The following CCDC12 variants were observed in gnomAD, a reference collection of about 807,000 sequenced individuals.
CCDC12 encodes coiled-coil domain containing 12, also known as coiled-coil domain-containing protein 12.
Under a neutral mutation model 25.7 loss-of-function variants are expected in CCDC12, and 28 were observed. The observed-to-expected ratio is 1.09, with a 90% CI of 0.81 to 1.50. The LOEUF (loss-of-function observed/expected upper bound fraction) is 1.50. Ranked by LOEUF, CCDC12 falls within the 40% of genes most tolerant of loss-of-function variation. The pLI, the probability that CCDC12 is intolerant of heterozygous loss-of-function variation, is 0.00. For synonymous variants in CCDC12, 75 were observed against 87.7 expected, an observed-to-expected ratio of 0.86 and a Z score of 0.81; for missense variants, 198 against 210.0, an observed-to-expected ratio of 0.94 and a Z score of 0.35.
At chr3:46,941,682 GCC>G (rs1201480029) in intron 1 of CCDC12, among the ~76,000 whole-genome samples, 1 of 152,190 alleles carries the variant, frequency 6.6e-6, no homozygotes, top group Non-Finnish European at 1.5e-5. Context: ...GAGAAATGCA[GCC>G]ACTTGGTGCC....
chr3:46,978,527 G>A (rs977270784), upstream of CCDC12, among the ~76,000 whole-genome samples: 1 of 128,892 alleles, frequency 7.8e-6, no homozygotes, highest in Admixed American at 8.3e-5. Flanking sequence ...CCATCACCCC[G>A]TGCCCCTTTC....
At chr3:46,941,653 C>A (rs1023895700) in intron 1 of CCDC12, among the ~76,000 whole-genome samples, 1 of 152,076 alleles carries the variant, frequency 6.6e-6, no homozygotes, top group East Asian at 1.9e-4. Flanking sequence ...ACAGAAAGAG[C>A]TGGATGGCTT....
intron 1 of CCDC12, among the ~76,000 whole-genome samples, chr3:46,951,798 A>AAAAAAAAAAATATATATATAT: frequency 5.9e-4 from 5 of 8,458 alleles, no homozygotes; most frequent in Non-Finnish European, 1.1e-3. Context: ...AAAAAAAAAA[A>AAAAAAAAAAATATATATATAT]ATATATATAT....
At chr3:46,945,520 G>C (rs1336946498) in intron 1 of CCDC12, among the ~76,000 whole-genome samples, 3 of 152,246 alleles carry the variant, frequency 2.0e-5, no homozygotes, top group Non-Finnish European at 4.4e-5. Context: ...TCAGGACAGA[G>C]TCTGACTGAC....
chr3:46,935,323 A>C (rs139261364), intron 2 of CCDC12, among the ~76,000 whole-genome samples: 1,936 of 152,050 alleles, frequency 0.013, 21 homozygotes, highest in Middle Eastern at 0.024. Flanking sequence ...GCATAGGAGG[A>C]GGCGAGTGCT....
chr3:46,951,824 C>A (rs11716561), intron 1 of CCDC12, among the ~76,000 whole-genome samples: 1 of 41,636 alleles, frequency 2.4e-5, no homozygotes, highest in Non-Finnish European at 4.3e-5. Context: ...TATATATATA[C>A]TTAATGAGGA....
intron 1 of CCDC12, among the ~76,000 whole-genome samples, chr3:46,948,339 G>A (rs1316179318): frequency 6.6e-6 from 1 of 152,230 alleles, no homozygotes; most frequent in Non-Finnish European, 1.5e-5. Flanking sequence ...AGAACAAAGC[G>A]CTGAGCGGGA....
At position 46,962,404 on chromosome 3, in the gene CCDC12, A is replaced by G. The variant is rs1423301128; in HGVS notation, c.96+14233T>C. Among the ~76,000 whole-genome samples the G allele has an allele frequency of 6.4e-5, 8 of 125,604 alleles. No homozygotes were observed. In the East Asian group the frequency reaches 1.8e-3, roughly 29 times the overall value. The allele number at this position is 125,604 out of a possible 152,430, so 82.4% of individuals were successfully genotyped here. A position where few individuals can be genotyped will look rare whatever the true frequency, so the allele number is the denominator to read the frequency against. ...AGCCAAGATTGTGCCATTGCACTCC[A>G]GCCTGGGTAACAAGAGCAAAACTCT... On this transcript the variant is annotated intron_variant, in intron 1 of 6. Transcript: ENST00000683445.
At chr3:46,979,974 C>G (rs2035197605), upstream of CCDC12, 2 of 239,096 alleles carry the variant, frequency 8.4e-6, no homozygotes, top group South Asian at 1.6e-4. Flanking sequence ...TCGCGCGCCC[C>G]GCGCCTGCTG....
At chr3:46,934,591 A>G (rs553137817) in intron 2 of CCDC12, among the ~76,000 whole-genome samples, 1 of 152,316 alleles carries the variant, frequency 6.6e-6, no homozygotes, top group South Asian at 2.1e-4. Flanking sequence ...GCACACAGAA[A>G]GGATTCAGCT....
chr3:46,929,270 A>T (rs1474540323), intron 2 of CCDC12, among the ~76,000 whole-genome samples: 1 of 152,252 alleles, frequency 6.6e-6, no homozygotes, highest in Admixed American at 6.5e-5. Flanking sequence ...AGAGGAAGAA[A>T]GTGGAATAAT....
In CCDC12 at chr3:46,973,664, A is replaced by G. The variant is rs1373900152; in HGVS notation, c.96+2973T>C. On this transcript the variant is annotated intron_variant, in intron 1 of 6. Coordinates refer to ENST00000683445, the MANE Select transcript of CCDC12 (RefSeq NM_001277074.2). The stretch of plus-strand genomic sequence containing the variant: ...AGTCTCACTCTGTCGCCCAGGCTGG[A>G]GTGCAGTGGCGCATCTCAGCTCACT... 2.3e-5 allele frequency among the ~76,000 whole-genome samples: 3 copies of G among 130,330 alleles called. No homozygotes were observed. In the East Asian group the frequency reaches 7.2e-4, roughly 31 times the overall value. The allele number at this position is 130,330 out of a possible 152,430, so 85.5% of individuals were successfully genotyped here.
At chr3:46,925,856 AG>A (rs2032934922) in intron 2 of CCDC12, among the ~76,000 whole-genome samples, 1 of 152,196 alleles carries the variant, frequency 6.6e-6, no homozygotes, top group East Asian at 1.9e-4. Flanking sequence ...TTGACAGATA[AG>A]GGGACTGGAG....
At chr3:46,922,465 G>A (rs954196541) in intron 5 of CCDC12, 153 bp from the exon 6 acceptor site, 2 of 745,730 alleles carry the variant, frequency 2.7e-6, no homozygotes, top group African/African-American at 1.7e-5. Flanking sequence ...TTCCCCTTCT[G>A]TACCCTCCGA....
At chr3:46,979,686 A>G, upstream of CCDC12, 1 of 315,282 alleles carries the variant, frequency 3.2e-6, no homozygotes, top group Non-Finnish European at 5.8e-6. Context: ...AGGAGCGAGC[A>G]GACTTGGGTG....
At chr3:46,934,212 G>A (rs1463043544) in intron 2 of CCDC12, among the ~76,000 whole-genome samples, 2 of 152,222 alleles carry the variant, frequency 1.3e-5, no homozygotes, top group African/African-American at 4.8e-5. Flanking sequence ...CAGATGTTGG[G>A]GGACAGGGGC....
chr3:46,956,691 T>C (rs1027388248), intron 1 of CCDC12, among the ~76,000 whole-genome samples: 3 of 152,024 alleles, frequency 2.0e-5, no homozygotes, highest in Admixed American at 6.6e-5. Context: ...AGTGGTAGTG[T>C]GCACCTGTAG....
At chr3:46,923,286 T>G in intron 5 of CCDC12, 43 bp downstream of exon 5, 1 of 1,442,056 alleles carries the variant, frequency 6.9e-7, no homozygotes, top group Non-Finnish European at 9.1e-7. Flanking sequence ...GCACCAAGAG[T>G]CCCCGAGTCA....
intron 3 of CCDC12, chr3:46,925,246 G>T: frequency 2.9e-6 from 2 of 697,944 alleles, no homozygotes; most frequent in Non-Finnish European, 2.6e-6. Context: ...GACTGAGAAG[G>T]CACAAGAGGA....
Sources: allele counts gnomAD v4.1 joint callset (sites outside exome capture counted in the v4.1 genomes callset), GRCh38; gene constraint gnomAD v4.1.1; transcripts MANE v1.5; gene names NCBI Gene and HGNC (gene_info 2026-07-23, HGNC 2026-07-21).